The following SCHIP1 variants were observed in gnomAD, a reference collection of about 807,000 sequenced individuals.
The protein encoded by SCHIP1 is schwannomin interacting protein 1.
Under a neutral mutation model 29.7 loss-of-function variants are expected in SCHIP1, and 8 were observed. The ratio of observed to expected loss-of-function variants is 0.27; its 90% CI spans 0.16 to 0.49. SCHIP1 has a LOEUF of 0.49. SCHIP1 is among the 20% of genes least tolerant of loss of function. SCHIP1 has a pLI of 0.99. For synonymous variants in SCHIP1, 76 were observed against 94.9 expected, an observed-to-expected ratio of 0.80 and a Z score of 1.16; for missense variants, 193 against 294.6, an observed-to-expected ratio of 0.66 and a Z score of 2.52.
At chr3:159,727,911 A>C in the SCHIP1 span, among the ~76,000 whole-genome samples, 1 of 151,490 alleles carries the variant, frequency 6.6e-6, no homozygotes, top group Non-Finnish European at 1.5e-5. Context: ...AGGCTCCAAA[A>C]AACTTTTTTG....
chr3:159,589,921 A>T, the SCHIP1 span, among the ~76,000 whole-genome samples: 86 of 152,332 alleles, frequency 5.6e-4, 1 homozygote, highest in African/African-American at 2.1e-3. Flanking sequence ...GGCAAGTGTT[A>T]GGAAAAAGTA....
chr3:159,293,805 C>G, the SCHIP1 span, among the ~76,000 whole-genome samples: 1 of 152,086 alleles, frequency 6.6e-6, no homozygotes, highest in African/African-American at 2.4e-5. Context: ...AAATAATTCT[C>G]TCTCGGAGGT....
chr3:159,661,707 A>G, the SCHIP1 span, among the ~76,000 whole-genome samples: 1 of 152,140 alleles, frequency 6.6e-6, no homozygotes, highest in South Asian at 2.1e-4. Flanking sequence ...ACCCTCTTGT[A>G]GCCTTGTCCA....
the SCHIP1 span, among the ~76,000 whole-genome samples, chr3:159,278,042 T>C: frequency 2.6e-5 from 4 of 152,142 alleles, no homozygotes; most frequent in African/African-American, 9.7e-5. Context: ...GGGGACTCCC[T>C]AATGGTGTGT....
the SCHIP1 span, among the ~76,000 whole-genome samples, chr3:159,432,333 T>TGAGA: frequency 1.2e-5 from 1 of 82,888 alleles, no homozygotes; most frequent in South Asian, 3.6e-4. Flanking sequence ...TGTGTGTGTG[T>TGAGA]GTGTGTGAGA....
the SCHIP1 span, chr3:159,721,947 C>T: frequency 3.6e-4 from 149 of 411,968 alleles, no homozygotes; most frequent in African/African-American, 2.6e-3. Context: ...TTCATAAAGG[C>T]AGTCCTCTGT....
At chr3:159,280,658 A>G in the SCHIP1 span, among the ~76,000 whole-genome samples, 2 of 152,330 alleles carry the variant, frequency 1.3e-5, no homozygotes, top group East Asian at 3.9e-4. Context: ...GAAAATAAAG[A>G]GTGGAAATTT....
the SCHIP1 span, among the ~76,000 whole-genome samples, chr3:159,611,971 AATT>A: frequency 2.6e-5 from 4 of 152,186 alleles, no homozygotes; most frequent in South Asian, 8.3e-4. Context: ...CATAAGTGGA[AATT>A]ATAATTTATA....
the SCHIP1 span, among the ~76,000 whole-genome samples, chr3:159,621,180 G>A: frequency 1.3e-5 from 2 of 152,180 alleles, no homozygotes; most frequent in African/African-American, 4.8e-5. Flanking sequence ...AACCCTGCAG[G>A]TTCCTGGGAT....
chr3:159,716,772 T>G, the SCHIP1 span, among the ~76,000 whole-genome samples: 1 of 152,056 alleles, frequency 6.6e-6, no homozygotes, highest in African/African-American at 2.4e-5. Context: ...AGACTTAGAC[T>G]CCCACACAAT....
At chr3:159,850,400 G>T (rs561148496) in intron 1 of SCHIP1, among the ~76,000 whole-genome samples, 1 of 151,988 alleles carries the variant, frequency 6.6e-6, no homozygotes, top group Admixed American at 6.6e-5. Flanking sequence ...CTAAAAATAC[G>T]AAAATTAGCT....
At chr3:159,531,333 A>G in the SCHIP1 span, among the ~76,000 whole-genome samples, 15 of 152,342 alleles carry the variant, frequency 9.8e-5, no homozygotes, top group East Asian at 2.9e-3. Flanking sequence ...TTTCTCCCTG[A>G]TAATGTAAGT....
chr3:159,832,384 CT>C, the SCHIP1 span, among the ~76,000 whole-genome samples: 2 of 152,146 alleles, frequency 1.3e-5, no homozygotes, highest in African/African-American at 4.8e-5. Flanking sequence ...CAGTTTCTCC[CT>C]TTGCTGGCTC....
At chr3:159,846,263 C>T (rs1037275803) in intron 1 of SCHIP1, among the ~76,000 whole-genome samples, 10 of 152,120 alleles carry the variant, frequency 6.6e-5, no homozygotes, top group African/African-American at 2.4e-4. Context: ...TGTTTCAGCC[C>T]AATTGAGGTA....
At chr3:159,369,881 T>A in the SCHIP1 span, among the ~76,000 whole-genome samples, 5 of 152,106 alleles carry the variant, frequency 3.3e-5, no homozygotes, top group Admixed American at 6.5e-5. Context: ...CATAAGCAAT[T>A]AACAATTTAA....
At chr3:159,856,921 C>CAATT (rs1713442800) in intron 1 of SCHIP1, among the ~76,000 whole-genome samples, 2 of 152,186 alleles carry the variant, frequency 1.3e-5, no homozygotes, top group Non-Finnish European at 1.5e-5. Flanking sequence ...CCTCCCCACA[C>CAATT]AATTACTGAG....
chr3:159,684,529 G>T, the SCHIP1 span, among the ~76,000 whole-genome samples: 2 of 152,192 alleles, frequency 1.3e-5, no homozygotes, highest in Admixed American at 1.3e-4. Context: ...TCCTCTGCCG[G>T]GTGTGGTGGC....
At chr3:159,389,289 T>A in the SCHIP1 span, among the ~76,000 whole-genome samples, 48 of 152,146 alleles carry the variant, frequency 3.2e-4, no homozygotes, top group African/African-American at 1.1e-3. Flanking sequence ...CTCACAAAAA[T>A]TTTATTTTAT....
the SCHIP1 span, chr3:159,765,433 AG>A: frequency 3.0e-6 from 1 of 331,830 alleles, no homozygotes; most frequent in Non-Finnish European, 5.4e-6. Flanking sequence ...TATGGAGACC[AG>A]GTTGTGAGTC....
Sources: allele counts gnomAD v4.1 joint callset (sites outside exome capture counted in the v4.1 genomes callset), GRCh38; gene constraint gnomAD v4.1.1; transcripts MANE v1.5; gene names NCBI Gene and HGNC (gene_info 2026-07-23, HGNC 2026-07-21).